The following FMN2 variants were observed in gnomAD, a reference collection of about 807,000 sequenced individuals.
FMN2 encodes the protein formin 2.
Under a neutral mutation model 142.3 loss-of-function variants are expected in FMN2, and 51 were observed. That is an observed-to-expected ratio of 0.36 (90% CI 0.29 to 0.45). The LOEUF is 0.45. Ranked by LOEUF, FMN2 falls within the 20% of genes least tolerant of loss-of-function variation. FMN2 has a pLI of 1.00. For missense variants in FMN2, 1,936 were observed against 2,122.8 expected, an observed-to-expected ratio of 0.91 and a Z score of 1.73; for synonymous variants, 882 against 869.8, an observed-to-expected ratio of 1.01 and a Z score of -0.25.
chr1:240,118,488 C>T (rs181555578), intron 1 of FMN2, among the ~76,000 whole-genome samples: 1 of 152,146 alleles, frequency 6.6e-6, no homozygotes, highest in East Asian at 1.9e-4. Flanking sequence ...TGTTCTCCCC[C>T]ACCTGGGACC....
intron 15 of FMN2, among the ~76,000 whole-genome samples, chr1:240,420,616 A>C (rs950804192): frequency 6.6e-6 from 1 of 152,096 alleles, no homozygotes; most frequent in Admixed American, 6.5e-5. Context: ...ATTTTTACTA[A>C]AGATATCACC....
At chr1:240,324,877 A>G (rs748583814) in intron 8 of FMN2, among the ~76,000 whole-genome samples, 1 of 152,122 alleles carries the variant, frequency 6.6e-6, no homozygotes, top group Non-Finnish European at 1.5e-5. Flanking sequence ...TATTCACTGC[A>G]TGTCTGTAAT....
chr1:240,153,680 A>G (rs1338827808), intron 2 of FMN2, among the ~76,000 whole-genome samples: 2 of 152,106 alleles, frequency 1.3e-5, no homozygotes, highest in African/African-American at 4.8e-5. Flanking sequence ...ATGCTATTTT[A>G]TAGGCCAGGG....
intron 6 of FMN2, chr1:240,245,715 A>T: frequency 2.3e-6 from 1 of 430,658 alleles, no homozygotes. Flanking sequence ...TATCTTTCTC[A>T]TGGAGAAATC....
At chr1:240,309,028 G>C (rs1206476728) in intron 8 of FMN2, among the ~76,000 whole-genome samples, 1 of 152,132 alleles carries the variant, frequency 6.6e-6, no homozygotes, top group African/African-American at 2.4e-5. Flanking sequence ...TGGAGAGTGA[G>C]GGTATGAGTG....
chr1:240,367,046 C>T (rs1335402674), intron 14 of FMN2, among the ~76,000 whole-genome samples: 3 of 152,124 alleles, frequency 2.0e-5, no homozygotes, highest in African/African-American at 7.2e-5. Flanking sequence ...GCACTTCTAT[C>T]GGCAGAGTTC....
chr1:240,459,206 C>G (rs1676354678), intron 16 of FMN2: 1 of 152,094 alleles, frequency 6.6e-6, no homozygotes, highest in South Asian at 2.1e-4. Context: ...ATATTAAACT[C>G]CTTGTGGAAG....
chr1:240,295,632 G>A (rs1669948071), intron 8 of FMN2, among the ~76,000 whole-genome samples: 1 of 152,170 alleles, frequency 6.6e-6, no homozygotes, highest in East Asian at 1.9e-4. Context: ...ATTCCATGGT[G>A]TATATGTACC....
rs186277313 is a variant in FMN2 at position 240,124,244 on chromosome 1, C to T, written c.1782+899C>T. Among the ~76,000 whole-genome samples the T allele has an allele frequency of 3.5e-4, 53 of 152,256 alleles. No homozygotes were observed. The South Asian group carries it at 9.1e-3, about 26-fold the overall frequency. Reference sequence around the variant, plus strand: ...AGTCCATATGTATGACTTGGCTGGTCGTAGGCATTCCTTCAGAAGCAGCTC... The same window carrying T: ...AGTCCATATGTATGACTTGGCTGGTTGTAGGCATTCCTTCAGAAGCAGCTC... On this transcript the variant is annotated intron_variant, in intron 2 of 17. Transcript: ENST00000319653.
chr1:240,258,098 T>A, intron 7 of FMN2, 66 bp downstream of exon 7: 3 of 1,226,662 alleles, frequency 2.4e-6, no homozygotes, highest in Non-Finnish European at 3.5e-6. Context: ...ATGATGTTTG[T>A]TGGTAATGTT....
At chr1:240,379,438 C>T (rs1224119433) in intron 14 of FMN2, among the ~76,000 whole-genome samples, 1 of 152,144 alleles carries the variant, frequency 6.6e-6, no homozygotes, top group Non-Finnish European at 1.5e-5. Context: ...TTTGATCCTT[C>T]TTTTCTGCAA....
Position 240,474,723 on chromosome 1 carries a change from T to TTA in FMN2, c.*569_*570insTA, listed in dbSNP as rs988716269. 1.0e-4 allele frequency: 16 copies of TTA among 152,648 alleles called. No individual in the cohort carries two copies. The highest frequency in any genetic ancestry group is 3.4e-3 in the Middle Eastern group (1 of 294). The allele number at this position is 152,648 out of a possible 1,614,324, so 9.5% of individuals were successfully genotyped here. A position where few individuals can be genotyped will look rare whatever the true frequency, so the allele number is the denominator to read the frequency against. ...TGTGAAAGAAAATGGTCATTTTTTT[T>TTA]ACTGAAGTCATATAATGACTTGGGT... On this transcript the variant is annotated 3_prime_UTR_variant, in exon 18 of 18. Coordinates refer to ENST00000319653, the MANE Select transcript of FMN2 (RefSeq NM_020066.5).
intron 1 of FMN2, among the ~76,000 whole-genome samples, chr1:240,110,820 TA>T (rs1352748017): frequency 6.6e-6 from 1 of 151,516 alleles, no homozygotes; most frequent in Non-Finnish European, 1.5e-5. Context: ...CCCTTTTTTT[TA>T]AAAAAAATTG....
chr1:240,173,683 G>A (rs1372671661), intron 2 of FMN2, among the ~76,000 whole-genome samples: 14 of 152,082 alleles, frequency 9.2e-5, no homozygotes, highest in Non-Finnish European at 1.8e-4. Context: ...CAGACACGGA[G>A]GAACCATGGA....
chr1:240,203,050 A>T (rs538586572), intron 4 of FMN2, among the ~76,000 whole-genome samples: 1 of 152,340 alleles, frequency 6.6e-6, no homozygotes, highest in Non-Finnish European at 1.5e-5. Flanking sequence ...AGTATGCTGG[A>T]AAAACGAAAA....
chr1:240,293,166 T>G (rs1669850229), intron 7 of FMN2, among the ~76,000 whole-genome samples: 1 of 152,154 alleles, frequency 6.6e-6, no homozygotes, highest in Non-Finnish European at 1.5e-5. Context: ...ACAAGTTTTA[T>G]GTGGGGAAAA....
intron 13 of FMN2, among the ~76,000 whole-genome samples, chr1:240,352,670 A>C (rs1672134556): frequency 6.6e-6 from 1 of 152,192 alleles, no homozygotes; most frequent in Non-Finnish European, 1.5e-5. Flanking sequence ...TGAAATGATA[A>C]GGGCTGTTAA....
intron 2 of FMN2, among the ~76,000 whole-genome samples, chr1:240,149,139 A>C (rs898037068): frequency 6.6e-6 from 1 of 152,188 alleles, no homozygotes; most frequent in Non-Finnish European, 1.5e-5. Flanking sequence ...TTGAACCTGC[A>C]GAATGTGGAC....
At chr1:240,435,127 A>G (rs1165958569) in intron 15 of FMN2, among the ~76,000 whole-genome samples, 1 of 152,118 alleles carries the variant, frequency 6.6e-6, no homozygotes, top group Non-Finnish European at 1.5e-5. Context: ...TATGCAAAGA[A>G]CATTTTTATT....
Sources: allele counts gnomAD v4.1 joint callset (sites outside exome capture counted in the v4.1 genomes callset), GRCh38; gene constraint gnomAD v4.1.1; transcripts MANE v1.5; gene names NCBI Gene and HGNC (gene_info 2026-07-23, HGNC 2026-07-21).